Variants in SOCS7 observed in about 807,000 individuals in gnomAD.
SOCS7 encodes suppressor of cytokine signaling 7, also known as NAP-4.
In SOCS7, 18 loss-of-function variants were observed where a neutral mutation model predicts 58.9. The ratio of observed to expected loss-of-function variants is 0.31; its 90% CI spans 0.21 to 0.45. The LOEUF is 0.45. Ranked by LOEUF, SOCS7 falls within the 20% of genes least tolerant of loss-of-function variation. The pLI is 1.00. For synonymous variants in SOCS7, 388 were observed against 364.3 expected (o/e 1.06, Z -0.74); for missense variants, 667 against 837.3 (o/e 0.80, Z 2.51).
chr17:38,398,674 G>C (rs912832332), intron 9 of SOCS7, among the ~76,000 whole-genome samples: 3 of 152,174 alleles, frequency 2.0e-5, no homozygotes, highest in African/African-American at 4.8e-5. Flanking sequence ...TTCATGCCAG[G>C]GGGTTTGGAG....
intron 9 of SOCS7, among the ~76,000 whole-genome samples, chr17:38,398,686 C>G (rs2038276546): frequency 6.6e-6 from 1 of 152,158 alleles, no homozygotes; most frequent in Non-Finnish European, 1.5e-5. Context: ...GGTTTGGAGT[C>G]AGACTATAGA....
chr17:38,379,114 C>T (rs1191750065), intron 7 of SOCS7, among the ~76,000 whole-genome samples: 13 of 147,964 alleles, frequency 8.8e-5, no homozygotes, highest in Admixed American at 2.8e-4. Flanking sequence ...GCCAAGATTA[C>T]GTCACTGCAC....
intron 9 of SOCS7, among the ~76,000 whole-genome samples, chr17:38,398,513 C>T (rs1197212691): frequency 6.6e-6 from 1 of 152,088 alleles, no homozygotes; most frequent in African/African-American, 2.4e-5. Context: ...TCCCAAAGTT[C>T]TGGGATTACA....
In SOCS7 at chr17:38,352,224, G is replaced by A; in HGVS notation, c.172G>A (p.Gly58Ser). Residue 58 changes from glycine to serine, a missense_variant, in exon 1 of 10, where the codon GGC becomes AGC. Gly to Ser is a moderately conservative substitution (Grantham distance 56, BLOSUM62 0). Around this residue, in one of 9 missense-constraint regions of SOCS7, gnomAD observed 5 missense variants for 22.4 expected, o/e 0.22. Transcript: ENST00000612932. The surrounding 1 kb of genome is among the most constrained non-coding windows in gnomAD (Gnocchi z 5.5). ...PPFLARPGPR[G>S]SRPPQLMVFR... ...CTTCCTCGCGCGGCCCGGCCCGCGGGGCTCCCGGCCGCCGCAGCTGATGGT... is the reference window on the plus strand; with the variant it reads ...CTTCCTCGCGCGGCCCGGCCCGCGGAGCTCCCGGCCGCCGCAGCTGATGGT... 7.3e-7 allele frequency: 1 copy of A among 1,366,770 alleles called. No individual in the cohort carries two copies. Among genetic ancestry groups the A allele is most frequent in the Non-Finnish European group, 9.4e-7 (1 of 1,067,080 alleles). The allele number at this position is 1,366,770 out of a possible 1,614,324, so 84.7% of individuals were successfully genotyped here. A position where few individuals can be genotyped will look rare whatever the true frequency, so the allele number is the denominator to read the frequency against.
chr17:38,400,922 G>A lies in SOCS7; in HGVS notation c.*1440G>A, dbSNP rs1431617913. ...GCTATTGAGATGTAACAGTGGAGCT[G>A]TTGGGTCTTCATGACTCCTTTGCGT... is the stretch of plus-strand genomic sequence containing the variant. On this transcript the variant is annotated 3_prime_UTR_variant, in exon 10 of 10. Transcript: ENST00000612932. 1.3e-5 allele frequency: 2 copies of A among 152,252 alleles called. No individual in the cohort carries two copies. The highest frequency in any genetic ancestry group is 2.9e-5 in the Non-Finnish European group (2 of 68,062). The allele number at this position is 152,252 out of a possible 1,614,324, so 9.4% of individuals were successfully genotyped here.
chr17:38,365,328 C>G lies in SOCS7; in HGVS notation c.1171C>G (p.Pro391Ala), dbSNP rs766214695. ...TCTAGATGATATCAGTGGGACGCTG[C>G]CTACATCTGTCCTTGTGGCTCCGAT... ...SLLDDISGTLPTSVLVAPMGS... is the reference protein window; with the variant it reads ...SLLDDISGTLATSVLVAPMGS... The change falls in exon 4 of 10, where the codon CCT (proline) becomes GCT (alanine). Residue 391 changes from proline to alanine, a missense_variant. Around this residue, in one of 9 missense-constraint regions of SOCS7, gnomAD observed 99 missense variants for 122.9 expected, o/e 0.81. Coordinates refer to ENST00000612932, the MANE Select transcript of SOCS7 (RefSeq NM_014598.4). The G allele has an allele frequency of 1.9e-6, 3 of 1,612,654 alleles. No individual in the cohort carries two copies. The highest frequency in any genetic ancestry group is 2.7e-5 in the African/African-American group (2 of 74,856).
intron 3 of SOCS7, 67 bp from the exon 4 acceptor site, chr17:38,365,241 C>G: frequency 8.1e-7 from 1 of 1,227,830 alleles, no homozygotes; most frequent in Non-Finnish European, 1.2e-6. Context: ...TCTCCCTCTC[C>G]TCTGCCTTCA....
intron 9 of SOCS7, among the ~76,000 whole-genome samples, chr17:38,397,486 A>G (rs1330497057): frequency 6.6e-6 from 1 of 152,204 alleles, no homozygotes; most frequent in Non-Finnish European, 1.5e-5. Context: ...CTTGCCCAGA[A>G]TGCTCTGCCC....
Position 38,378,248 on chromosome 17 carries a change from C to T in SOCS7, c.1681+406C>T, listed in dbSNP as rs147460860. Among the ~76,000 whole-genome samples, 1,331 of 152,206 alleles carry T rather than the reference C, an allele frequency of 8.7e-3. 11 individuals carry two copies. Among genetic ancestry groups the T allele is most frequent in the Non-Finnish European group, 0.011 (756 of 68,004 alleles). On this transcript the variant is annotated intron_variant, in intron 7 of 9. Transcript: ENST00000612932. ...AAGGCAGGGGCGAGCGTCAGTGGGG[C>T]TCAGTATGGCTAGGCGTGGTGGCTC...
chr17:38,352,110 G>A lies in SOCS7; in HGVS notation c.58G>A (p.Val20Ile). Residue 20 changes from valine (V) to isoleucine (I), a missense_variant, in exon 1 of 10, where the codon GTC (valine) becomes ATC (isoleucine). Physicochemically the swap from Val to Ile is conservative, Grantham distance 29. Around this residue, in one of 9 missense-constraint regions of SOCS7, gnomAD observed 65 missense variants for 51.0 expected, o/e 1.27. Coordinates refer to ENST00000612932, the MANE Select transcript of SOCS7 (RefSeq NM_014598.4). This position sits in a 1 kb window ranked among gnomAD's most constrained non-coding sequence, Gnocchi z 5.5. ...EAAAAAASYRVLSRLLGYGEA... is the reference protein window; with the variant it reads ...EAAAAAASYRILSRLLGYGEA... ...GGCGGCGGCGGCCGCTTCGTACCGC[G>A]TCCTGAGCCGCCTCCTTGGCTATGG... is the stretch of plus-strand genomic sequence containing the variant. 1.3e-6 allele frequency: 1 copy of A among 754,982 alleles called. No homozygotes were observed. The highest frequency in any genetic ancestry group is 1.7e-6 in the Non-Finnish European group (1 of 577,628). The allele number at this position is 754,982 out of a possible 1,614,324, so 46.8% of individuals were successfully genotyped here. A position where few individuals can be genotyped will look rare whatever the true frequency, so the allele number is the denominator to read the frequency against.
intron 9 of SOCS7, among the ~76,000 whole-genome samples, chr17:38,397,950 G>A (rs990315118): frequency 5.9e-5 from 9 of 152,178 alleles, no homozygotes; most frequent in Admixed American, 5.9e-4. Flanking sequence ...AGCCATGGGA[G>A]TGCCTTGGAG....
rs1480513866 is a variant in SOCS7 at position 38,400,017 on chromosome 17, G to C, written c.*535G>C. ...GGAGTTCCTGAGGAAGGGGGAATCT[G>C]CCTCTTGTTGCCATGGGCAGCTGTT... On this transcript the variant is annotated 3_prime_UTR_variant, in exon 10 of 10. Coordinates refer to ENST00000612932, the MANE Select transcript of SOCS7 (RefSeq NM_014598.4). 6.6e-6 allele frequency: 1 copy of C among 152,234 alleles called. No individual in the cohort carries two copies. The highest frequency in any genetic ancestry group is 1.5e-5 in the Non-Finnish European group (1 of 68,090). The allele number at this position is 152,234 out of a possible 1,614,324, so 9.4% of individuals were successfully genotyped here.
chr17:38,352,259 C>A lies in SOCS7; in HGVS notation c.207C>A (p.Asn69Lys). 2.0e-6 allele frequency: 3 copies of A among 1,472,256 alleles called. No homozygotes were observed. In the South Asian group the frequency reaches 3.9e-5, roughly 19 times the overall value. 91.2% of individuals were successfully genotyped at this position (1,472,256 alleles called of 1,614,324 possible). The change falls in exon 1 of 10, where the codon AAC becomes AAA. Residue 69 changes from asparagine to lysine, a missense_variant. Coordinates refer to ENST00000612932, the MANE Select transcript of SOCS7 (RefSeq NM_014598.4). The surrounding 1 kb of genome is among the most constrained non-coding windows in gnomAD (Gnocchi z 5.5). ...SRPPQLMVFR[N>K]VGRPPEEEDV... Reference sequence around the variant, plus strand: ...CGCCGCAGCTGATGGTGTTCCGCAACGTGGGTCGGCCGCCGGAGGAGGAGG... The same window carrying A: ...CGCCGCAGCTGATGGTGTTCCGCAAAGTGGGTCGGCCGCCGGAGGAGGAGG...
At chr17:38,370,000 T>C (rs2037841396) in intron 6 of SOCS7, among the ~76,000 whole-genome samples, 1 of 152,058 alleles carries the variant, frequency 6.6e-6, no homozygotes, top group Non-Finnish European at 1.5e-5. Flanking sequence ...ACCATGTTGG[T>C]GAGGCTGGTC....
At chr17:38,372,278 T>C (rs1209172619) in intron 6 of SOCS7, among the ~76,000 whole-genome samples, 2 of 152,204 alleles carry the variant, frequency 1.3e-5, no homozygotes, top group African/African-American at 4.8e-5. Context: ...CCATAAAATA[T>C]ATACAAATCT....
In SOCS7 at chr17:38,352,559, G is replaced by C. The variant is rs879879123; in HGVS notation, c.507G>C (p.Glu169Asp). The change falls in exon 1 of 10, where the codon GAG (glutamate) becomes GAC (aspartate). Residue 169 changes from glutamate (E) to aspartate (D), a missense_variant. This residue lies in a region of SOCS7 where 154 missense variants were observed against 156.3 expected (regional missense o/e 0.98). Coordinates refer to ENST00000612932, the MANE Select transcript of SOCS7 (RefSeq NM_014598.4). This position sits in a 1 kb window ranked among gnomAD's most constrained non-coding sequence, Gnocchi z 5.5. The stretch of plus-strand genomic sequence containing the variant: ...CTGCTGCCGCCCCGCAGGCCGGGGA[G>C]GACCCCACGGAAACGAGCGACGCGC... ...QPPAAAPQAGEDPTETSDALL... is the reference protein window; with the variant it reads ...QPPAAAPQAGDDPTETSDALL... The C allele has an allele frequency of 4.4e-5, 68 of 1,549,558 alleles. No homozygotes were observed. Among genetic ancestry groups the C allele is most frequent in the Non-Finnish European group, 5.8e-5 (67 of 1,146,682 alleles).
intron 6 of SOCS7, among the ~76,000 whole-genome samples, chr17:38,374,139 C>A (rs1271851846): frequency 6.6e-6 from 1 of 152,172 alleles, no homozygotes; most frequent in Admixed American, 6.6e-5. Flanking sequence ...AGAATCGCTC[C>A]AACTTGGGAG....
At chr17:38,395,195 A>G in intron 7 of SOCS7, 114 bp from the exon 8 acceptor site, 1 of 1,055,990 alleles carries the variant, frequency 9.5e-7, no homozygotes, top group South Asian at 1.6e-5. Flanking sequence ...CACAGAATAC[A>G]TATATGAACC....
chr17:38,353,116 G>A, intron 1 of SOCS7, 84 bp downstream of exon 1: 1 of 1,306,384 alleles, frequency 7.7e-7, no homozygotes, highest in South Asian at 1.5e-5. Context: ...GATCCTGACA[G>A]TTCTTAAGAT....
Sources: gnomAD v4.1 joint callset for allele counts (sites outside exome capture counted in the v4.1 genomes callset) on GRCh38, gnomAD v4.1.1 for gene constraint, gnomAD v4.1.1 regional missense constraint, Gnocchi (gnomAD v3.1) non-coding constraint, MANE v1.5 for transcripts, NCBI Gene and HGNC (gene_info 2026-07-23, HGNC 2026-07-21) for gene names.